Variants in MAGI1 observed in about 807,000 individuals in gnomAD.
The protein encoded by MAGI1 is membrane associated guanylate kinase, WW and PDZ domain containing 1.
Under a neutral mutation model 139.9 loss-of-function variants are expected in MAGI1, and 58 were observed. That is an observed-to-expected ratio of 0.41 (90% CI 0.34 to 0.52). The LOEUF is 0.52. Ranked by LOEUF, MAGI1 falls within the 20% of genes least tolerant of loss-of-function variation. MAGI1 has a pLI of 0.12. For missense variants in MAGI1, 1,874 were observed against 1,901.6 expected (o/e 0.99, Z 0.27); for synonymous variants, 812 against 737.9 (o/e 1.10, Z -1.63).
chr3:65,607,437 G>A (rs1453018696), intron 2 of MAGI1, among the ~76,000 whole-genome samples: 2 of 151,932 alleles, frequency 1.3e-5, no homozygotes, highest in African/African-American at 4.8e-5. Flanking sequence ...CTCCCATCAT[G>A]ACCATTACAC....
At chr3:65,405,194 C>T (rs1362261200) in intron 12 of MAGI1, among the ~76,000 whole-genome samples, 1 of 152,128 alleles carries the variant, frequency 6.6e-6, no homozygotes, top group Non-Finnish European at 1.5e-5. Flanking sequence ...ACTTGAGTAT[C>T]TAAAGTTCTC....
chr3:65,648,745 G>C (rs1222299472), intron 1 of MAGI1, among the ~76,000 whole-genome samples: 3 of 152,012 alleles, frequency 2.0e-5, no homozygotes, highest in African/African-American at 7.2e-5. Context: ...CAAACAAACT[G>C]GAATAGTAAA....
At chr3:65,386,593 G>A (rs1395460339) in intron 14 of MAGI1, among the ~76,000 whole-genome samples, 1 of 152,214 alleles carries the variant, frequency 6.6e-6, no homozygotes, top group South Asian at 2.1e-4. Flanking sequence ...AGGCATTGAA[G>A]TTTCTAAACT....
intron 2 of MAGI1, among the ~76,000 whole-genome samples, chr3:65,551,842 T>G (rs1198238810): frequency 2.0e-5 from 3 of 152,228 alleles, no homozygotes; most frequent in Non-Finnish European, 4.4e-5. Context: ...ACATCACATT[T>G]ACTCCTGTCT....
rs190631089 is a variant in MAGI1, at chr3:65,745,023, T to C, written c.314-122935A>G. On this transcript the variant is annotated intron_variant, in intron 1 of 22. Transcript: ENST00000402939. ...CATCCTGTCTCTCTGAATTTGCCCA[T>C]TCTAGATCTTCCATACAAGCAGAAT... Among the ~76,000 whole-genome samples the C allele has an allele frequency of 1.6e-3, 249 of 152,246 alleles. 1 individual carries two copies. The highest frequency in any genetic ancestry group is 3.4e-3 in the Middle Eastern group (1 of 294).
At chr3:65,409,905 A>G (rs931240265) in intron 12 of MAGI1, among the ~76,000 whole-genome samples, 2 of 152,260 alleles carry the variant, frequency 1.3e-5, no homozygotes, top group African/African-American at 4.8e-5. Context: ...TTAAGAACAT[A>G]GTTGTACTGG....
intron 1 of MAGI1, among the ~76,000 whole-genome samples, chr3:65,708,614 AAAGG>A (rs894261924): frequency 6.6e-6 from 1 of 152,134 alleles, no homozygotes; most frequent in African/African-American, 2.4e-5. Context: ...AGGAAAGAAA[AAAGG>A]AAGGATGAAA....
At chr3:65,636,346 T>C (rs144809384) in intron 1 of MAGI1, among the ~76,000 whole-genome samples, 55 of 152,312 alleles carry the variant, frequency 3.6e-4, no homozygotes, top group African/African-American at 1.3e-3. Flanking sequence ...AGGCTGATTA[T>C]CAGATATTTC....
intron 1 of MAGI1, among the ~76,000 whole-genome samples, chr3:66,032,334 C>T (rs760604898): frequency 2.0e-5 from 3 of 151,482 alleles, no homozygotes; most frequent in Non-Finnish European, 4.4e-5. Context: ...CCTCAGCCTC[C>T]CTAGTGGCTG....
rs1035253470 is a variant in MAGI1 at position 65,368,344 on chromosome 3, A to C, written c.3197-3398T>G. The stretch of plus-strand genomic sequence containing the variant: ...CCTTTATTAAACAGTGTTTATACCT[A>C]CTTTAGCTCTCCCAGAGGAGTGAAA... On this transcript the variant is annotated intron_variant, in intron 18 of 22. Coordinates refer to ENST00000402939, the MANE Select transcript of MAGI1 (RefSeq NM_001033057.2). 3.3e-5 allele frequency among the ~76,000 whole-genome samples: 5 copies of C among 152,182 alleles called. 1 individual carries two copies. The South Asian group carries it at 1.0e-3, about 31-fold the overall frequency.
At chr3:65,793,684 G>A (rs1457538573) in intron 1 of MAGI1, among the ~76,000 whole-genome samples, 1 of 152,216 alleles carries the variant, frequency 6.6e-6, no homozygotes, top group Non-Finnish European at 1.5e-5. Flanking sequence ...CCTGGGTGGA[G>A]CAGCTGCAGG....
At chr3:65,415,718 A>G (rs1946164129) in intron 12 of MAGI1, among the ~76,000 whole-genome samples, 1 of 152,162 alleles carries the variant, frequency 6.6e-6, no homozygotes, top group Non-Finnish European at 1.5e-5. Flanking sequence ...GCAAAACCAA[A>G]TGGGTGTTGA....
intron 1 of MAGI1, among the ~76,000 whole-genome samples, chr3:66,033,505 G>C (rs565872994): frequency 6.6e-6 from 1 of 152,070 alleles, no homozygotes; most frequent in Non-Finnish European, 1.5e-5. Flanking sequence ...AGCAAGACCA[G>C]AGATTCATGA....
chr3:65,693,703 T>TTTGTTTTTGTTTTTG (rs111280018), intron 1 of MAGI1, among the ~76,000 whole-genome samples: 4 of 151,902 alleles, frequency 2.6e-5, no homozygotes, highest in South Asian at 2.1e-4. Context: ...AGAACAGTTT[T>TTTGTTTTTGTTTTTG]TTTTTGTTTT....
At chr3:65,649,780 G>C (rs1244960393) in intron 1 of MAGI1, among the ~76,000 whole-genome samples, 1 of 152,164 alleles carries the variant, frequency 6.6e-6, no homozygotes, top group South Asian at 2.1e-4. Flanking sequence ...TTAGTGATTA[G>C]AGAAATGCAA....
At chr3:65,695,066 G>T (rs1401253391) in intron 1 of MAGI1, among the ~76,000 whole-genome samples, 1 of 152,144 alleles carries the variant, frequency 6.6e-6, no homozygotes, top group East Asian at 1.9e-4. Context: ...GGAAAGGGAA[G>T]AAGGTCCCCA....
In MAGI1 at chr3:65,847,801, C is replaced by G. The variant is rs905235771; in HGVS notation, c.313+190195G>C. Among the ~76,000 whole-genome samples the G allele has an allele frequency of 2.6e-5, 4 of 152,168 alleles. No homozygotes were observed. The East Asian group carries it at 7.7e-4, about 29-fold the overall frequency. Reference sequence around the variant, plus strand: ...GGGTACTACGCTCTTCACTATTTTACAAGTGAGGACACTGAAGCTCAGCCT... The same window carrying G: ...GGGTACTACGCTCTTCACTATTTTAGAAGTGAGGACACTGAAGCTCAGCCT... On this transcript the variant is annotated intron_variant, in intron 1 of 22. Transcript: ENST00000402939.
chr3:65,663,537 T>G (rs74959842), intron 1 of MAGI1, among the ~76,000 whole-genome samples: 1 of 152,210 alleles, frequency 6.6e-6, no homozygotes, highest in African/African-American at 2.4e-5. Flanking sequence ...TGAAACCAAC[T>G]GCAGAAACGC....
intron 2 of MAGI1, among the ~76,000 whole-genome samples, chr3:65,524,839 C>G (rs1232176701): frequency 6.6e-6 from 1 of 152,104 alleles, no homozygotes; most frequent in Admixed American, 6.6e-5. Flanking sequence ...GGATCTCATC[C>G]ACAAGGTTTT....
Sources: allele counts gnomAD v4.1 joint callset (sites outside exome capture counted in the v4.1 genomes callset), GRCh38; gene constraint gnomAD v4.1.1; transcripts MANE v1.5; gene names NCBI Gene and HGNC (gene_info 2026-07-23, HGNC 2026-07-21).